ADGRE3: variants seen among roughly 807,000 people sequenced by gnomAD.
The protein encoded by ADGRE3 is adhesion G protein-coupled receptor E3, also known as EGF-like module receptor 3.
A neutral mutation model predicts 80.1 loss-of-function variants in ADGRE3; 88 were observed. The observed-to-expected ratio is 1.10, with a 90% CI of 0.93 to 1.31. The LOEUF is 1.31. Among genes scored for constraint, ADGRE3 ranks in the 40% most tolerant of loss-of-function variants. The pLI is 0.00. For missense variants in ADGRE3, 715 were observed against 776.5 expected (o/e 0.92, Z 0.94); for synonymous variants, 281 against 294.8 (o/e 0.95, Z 0.48).
intron 2 of ADGRE3, among the ~76,000 whole-genome samples, chr19:14,665,978 A>ATATATATATATATATATATATATATG (rs1568500899): frequency 3.1e-5 from 4 of 128,248 alleles, no homozygotes; most frequent in African/African-American, 1.2e-4. Context: ...ATATATATAT[A>ATATATATATATATATATATATATATG]GTGTTTTCTT....
intron 7 of ADGRE3, among the ~76,000 whole-genome samples, chr19:14,650,869 C>G (rs570286051): frequency 3.3e-5 from 5 of 152,168 alleles, no homozygotes; most frequent in Non-Finnish European, 7.3e-5. Context: ...AGCACTCCCC[C>G]ACCATCCCAA....
In ADGRE3 at chr19:14,674,829, G is replaced by A; in HGVS notation, c.-59C>T. 1.3e-6 allele frequency: 2 copies of A among 1,564,324 alleles called. No individual in the cohort carries two copies. The highest frequency in any genetic ancestry group is 1.7e-6 in the Non-Finnish European group (2 of 1,144,144). On this transcript the variant is annotated 5_prime_UTR_variant, in exon 1 of 16. Transcript: ENST00000253673. ...CTGGAAGCTCTCTACTGTGCCGTAA[G>A]CCAACCACCTTTCCTAGCTCAAGAA... is the stretch of plus-strand genomic sequence containing the variant.
At chr19:14,614,821 C>G (rs146576067), downstream of ADGRE3, among the ~76,000 whole-genome samples, 22 of 152,018 alleles carry the variant, frequency 1.4e-4, no homozygotes, top group African/African-American at 5.3e-4. Context: ...AAGTGATCTG[C>G]CTGCCTTAGC....
chr19:14,632,631 CTG>C (rs1480219699), intron 13 of ADGRE3, among the ~76,000 whole-genome samples: 6 of 152,132 alleles, frequency 3.9e-5, no homozygotes, highest in African/African-American at 1.4e-4. Flanking sequence ...CCCTGGAACA[CTG>C]TGTGGAGCAG....
rs762974450 is a variant in ADGRE3 at position 14,647,300 on chromosome 19, C to CA, written c.762dup (p.Glu255Ter). 1.1e-5 allele frequency: 18 copies of CA among 1,612,128 alleles called. No individual in the cohort carries two copies. The highest frequency in any genetic ancestry group is 1.6e-4 in the Middle Eastern group (1 of 6,074). ...ACTTGATCTTTCTTATCCATCTCTT[C>CA]AAAAAAAGTTGCATTTATGATGTTT... On this transcript the variant is annotated frameshift_variant, in exon 8 of 16. Transcript: ENST00000253673. LOFTEE classifies it high-confidence loss of function.
At chr19:14,671,634 G>A (rs1051546416) in intron 1 of ADGRE3, among the ~76,000 whole-genome samples, 3 of 151,962 alleles carry the variant, frequency 2.0e-5, no homozygotes, top group Admixed American at 2.0e-4. Context: ...TTTTCTTCCT[G>A]TAATTCTCAC....
the ADGRE3 span, chr19:14,610,075 C>G: frequency 2.5e-6 from 4 of 1,613,310 alleles, no homozygotes; most frequent in African/African-American, 5.3e-5. Context: ...TTCTGGGAGC[C>G]AGAGGAACCC....
chr19:14,635,107 TA>T (rs1971001389), intron 11 of ADGRE3, among the ~76,000 whole-genome samples: 1 of 152,150 alleles, frequency 6.6e-6, no homozygotes, highest in Non-Finnish European at 1.5e-5. Context: ...TTTATTTATA[TA>T]TTTTTTAGAG....
At chr19:14,604,522 C>T in the ADGRE3 span, among the ~76,000 whole-genome samples, 6 of 151,834 alleles carry the variant, frequency 4.0e-5, no homozygotes, top group Admixed American at 6.6e-5. Context: ...CAGCACTTTG[C>T]GAGGCCGAGG....
chr19:14,647,953 A>G (rs1211008174), intron 7 of ADGRE3, among the ~76,000 whole-genome samples: 1 of 151,722 alleles, frequency 6.6e-6, no homozygotes, highest in Non-Finnish European at 1.5e-5. Flanking sequence ...GTGGTGGCAC[A>G]TGCTTGTAAT....
the ADGRE3 span, among the ~76,000 whole-genome samples, chr19:14,608,732 C>A: frequency 6.7e-6 from 1 of 148,880 alleles, no homozygotes; most frequent in African/African-American, 2.5e-5. Context: ...CTCCCAGGCT[C>A]AAGTGATTCT....
At chr19:14,657,499 A>T (rs952291395) in intron 5 of ADGRE3, among the ~76,000 whole-genome samples, 17 of 151,628 alleles carry the variant, frequency 1.1e-4, no homozygotes, top group African/African-American at 4.1e-4. Flanking sequence ...ACACTCACAC[A>T]CTGTCATATG....
intron 13 of ADGRE3, among the ~76,000 whole-genome samples, chr19:14,631,775 G>A (rs12981251): frequency 0.43 from 64,945 of 151,716 alleles, 14,204 homozygotes; most frequent in East Asian, 0.62. Context: ...TGTGTGTGTC[G>A]GTCTGTTCTA....
chr19:14,630,175 A>G lies in ADGRE3; in HGVS notation c.1676T>C (p.Phe559Ser). 1 of 1,610,440 alleles carries G rather than the reference A, an allele frequency of 6.2e-7. No homozygotes were observed. Among genetic ancestry groups the G allele is most frequent in the Non-Finnish European group, 8.5e-7 (1 of 1,177,812 alleles). The change falls in exon 14 of 16, where the codon TTC (phenylalanine) becomes TCC (serine). Residue 559 changes from phenylalanine to serine, a missense_variant. Coordinates refer to ENST00000253673, the MANE Select transcript of ADGRE3 (RefSeq NM_032571.5). ...CAGACACCATGTGCAGCCCAGGATG[A>G]AGAGCTGAGCTGTTGCTTTGAAAGC... ...MLAFKATAQL[F>S]ILGCTWCLGL... is the part of the protein sequence containing the mutation.
the ADGRE3 span, among the ~76,000 whole-genome samples, chr19:14,612,746 C>T: frequency 4.6e-5 from 7 of 152,040 alleles, no homozygotes; most frequent in Non-Finnish European, 1.0e-4. Context: ...TGGCCCATAA[C>T]ATTCACAAAC....
At chr19:14,662,869 C>A (rs1971987073) in intron 3 of ADGRE3, among the ~76,000 whole-genome samples, 1 of 129,310 alleles carries the variant, frequency 7.7e-6, no homozygotes, top group Non-Finnish European at 1.5e-5. Flanking sequence ...GAGTTTGAGA[C>A]CAGCCGGGAC....
the ADGRE3 span, among the ~76,000 whole-genome samples, chr19:14,603,611 C>T: frequency 1.3e-5 from 2 of 151,888 alleles, no homozygotes; most frequent in African/African-American, 4.8e-5. Context: ...AGTCACGTGC[C>T]ACCACTCCCA....
downstream of ADGRE3, chr19:14,619,042 A>G: frequency 4.3e-6 from 1 of 233,122 alleles, no homozygotes; most frequent in Non-Finnish European, 8.3e-6. Flanking sequence ...TTGAGGCTGC[A>G]GTGAGCTACG....
chr19:14,643,144 G>GTTTTTTTTTTTTTTTT lies in ADGRE3; in HGVS notation c.1050+948_1050+963dup, dbSNP rs373306807. Among the ~76,000 whole-genome samples, 131 of 124,050 alleles carry GTTTTTTTTTTTTTTTT rather than the reference G, an allele frequency of 1.1e-3. 1 individual carries two copies. The highest frequency in any genetic ancestry group is 3.9e-3 in the African/African-American group (129 of 33,328). The allele number at this position is 124,050 out of a possible 152,430, so 81.4% of individuals were successfully genotyped here. On this transcript the variant is annotated intron_variant, in intron 9 of 15. Coordinates refer to ENST00000253673, the MANE Select transcript of ADGRE3 (RefSeq NM_032571.5). ...CATGATGTGGTTTATAGTAATCATG[G>GTTTTTTTTTTTTTTTT]TTTTTTTTTTTTTTTTTTTTTAGAC...
Sources: allele counts gnomAD v4.1 joint callset (sites outside exome capture counted in the v4.1 genomes callset), GRCh38; gene constraint gnomAD v4.1.1; transcripts MANE v1.5; gene names NCBI Gene and HGNC (gene_info 2026-07-23, HGNC 2026-07-21).